RBM6: variants seen among roughly 807,000 people sequenced by gnomAD.
RBM6 encodes the protein RNA-binding protein 6.
In RBM6, 23 loss-of-function variants were observed where a neutral mutation model predicts 140.4. The ratio of observed to expected loss-of-function variants is 0.16; its 90% CI spans 0.12 to 0.23. The LOEUF (loss-of-function observed/expected upper bound fraction) is 0.23. Ranked by LOEUF, RBM6 falls within the 10% of genes least tolerant of loss-of-function variation. RBM6 has a pLI of 1.00. For synonymous variants in RBM6, 439 were observed against 475.6 expected, an observed-to-expected ratio of 0.92 and a Z score of 1.00; for missense variants, 1,139 against 1,386.7, an observed-to-expected ratio of 0.82 and a Z score of 2.84.
chr3:50,035,478 C>T (rs927555298), intron 6 of RBM6, among the ~76,000 whole-genome samples: 2 of 151,918 alleles, frequency 1.3e-5, no homozygotes, highest in Non-Finnish European at 2.9e-5. Context: ...GTCAGAAGAT[C>T]GAGACCATCC....
intron 15 of RBM6, among the ~76,000 whole-genome samples, chr3:50,064,231 T>G (rs1354378332): frequency 6.6e-6 from 1 of 151,870 alleles, no homozygotes; most frequent in African/African-American, 2.4e-5. Context: ...GCGCCCAGCC[T>G]TTTTTTCCCC....
intron 18 of RBM6, among the ~76,000 whole-genome samples, chr3:50,069,413 G>A (rs1271961507): frequency 6.6e-6 from 1 of 151,664 alleles, no homozygotes; most frequent in Admixed American, 6.6e-5. Flanking sequence ...TTGAGAGGCT[G>A]AGGGAGGATC....
intron 19 of RBM6, among the ~76,000 whole-genome samples, chr3:50,071,359 C>A (rs3774734): frequency 0.65 from 98,205 of 152,096 alleles, 32,344 homozygotes; most frequent in East Asian, 0.88. Context: ...AGGCAGTGGA[C>A]GGTCATGGAA....
intron 6 of RBM6, among the ~76,000 whole-genome samples, chr3:50,040,014 T>C (rs925827330): frequency 6.6e-6 from 1 of 152,174 alleles, no homozygotes; most frequent in African/African-American, 2.4e-5. Context: ...CCTCCAAGAC[T>C]ACGGATCCCT....
At chr3:50,057,076 G>A (rs1486680087) in intron 8 of RBM6, among the ~76,000 whole-genome samples, 1 of 152,152 alleles carries the variant, frequency 6.6e-6, no homozygotes, top group Non-Finnish European at 1.5e-5. Context: ...CAGATGTGTT[G>A]TTATCATTGA....
intron 5 of RBM6, among the ~76,000 whole-genome samples, chr3:49,977,205 A>G (rs2085101318): frequency 6.6e-6 from 1 of 151,976 alleles, no homozygotes; most frequent in Non-Finnish European, 1.5e-5. Context: ...CACCTACCCT[A>G]TTTTGCTGTA....
chr3:50,032,463 A>G (rs1206973508), intron 6 of RBM6, among the ~76,000 whole-genome samples: 1 of 147,094 alleles, frequency 6.8e-6, no homozygotes, highest in African/African-American at 2.5e-5. Context: ...CAGCCTGGCA[A>G]CAGGGCGAGA....
chr3:50,004,886 G>A, intron 6 of RBM6, among the ~76,000 whole-genome samples: 2 of 152,194 alleles, frequency 1.3e-5, no homozygotes, highest in Admixed American at 1.3e-4. Flanking sequence ...ACCTGGACCT[G>A]CCAAATTGCT....
At chr3:49,985,199 A>G (rs2085503003) in intron 5 of RBM6, among the ~76,000 whole-genome samples, 1 of 152,236 alleles carries the variant, frequency 6.6e-6, no homozygotes, top group Admixed American at 6.5e-5. Flanking sequence ...AGAAAAGGGC[A>G]TTACTCAGCT....
intron 6 of RBM6, among the ~76,000 whole-genome samples, chr3:50,030,284 C>CT (rs1232138064): frequency 6.1e-5 from 2 of 32,744 alleles, no homozygotes; most frequent in African/African-American, 2.1e-4. Context: ...CTCTTTTTGT[C>CT]TTAAAAAAAA....
chr3:49,996,417 A>G (rs1162334030), intron 5 of RBM6, among the ~76,000 whole-genome samples: 2 of 152,178 alleles, frequency 1.3e-5, no homozygotes, highest in Non-Finnish European at 2.9e-5. Flanking sequence ...GTTAGATGCA[A>G]TTTAATTCCA....
At chr3:50,068,616 T>A (rs1559654245) in intron 17 of RBM6, 74 bp from the exon 18 acceptor site, 1 of 1,380,558 alleles carries the variant, frequency 7.2e-7, no homozygotes, top group East Asian at 2.3e-5. Context: ...AAGCAACTAT[T>A]GGGAAAGGCC....
intron 6 of RBM6, among the ~76,000 whole-genome samples, chr3:50,041,634 C>T (rs957423224): frequency 2.0e-5 from 3 of 152,144 alleles, no homozygotes; most frequent in Admixed American, 1.3e-4. Flanking sequence ...TCTGCAGGTC[C>T]GTTTGACATG....
intron 5 of RBM6, among the ~76,000 whole-genome samples, chr3:49,990,139 T>C (rs2085754240): frequency 1.3e-5 from 2 of 152,212 alleles, no homozygotes; most frequent in South Asian, 4.1e-4. Context: ...AATACAGTCA[T>C]GCATTGCATA....
At chr3:50,012,014 G>C (rs923621457) in intron 6 of RBM6, among the ~76,000 whole-genome samples, 5 of 151,628 alleles carry the variant, frequency 3.3e-5, no homozygotes, top group African/African-American at 1.2e-4. Flanking sequence ...ATCGTGCCCA[G>C]CTAATTTTTT....
intron 6 of RBM6, among the ~76,000 whole-genome samples, chr3:50,026,503 C>T (rs577419800): frequency 6.6e-6 from 1 of 151,824 alleles, no homozygotes; most frequent in African/African-American, 2.4e-5. Flanking sequence ...CCTCAGCCTC[C>T]CAAATAGCTG....
chr3:50,047,887 G>C (rs1232153329), intron 6 of RBM6, among the ~76,000 whole-genome samples: 1 of 152,182 alleles, frequency 6.6e-6, no homozygotes, highest in Admixed American at 6.5e-5. Context: ...TTTACTTCTT[G>C]ATAGTGTGCT....
chr3:49,966,548 A>G (rs1283679862), intron 2 of RBM6, among the ~76,000 whole-genome samples: 2 of 152,232 alleles, frequency 1.3e-5, no homozygotes, highest in Admixed American at 6.5e-5. Flanking sequence ...TTGAGAATGT[A>G]AATTTAATAC....
intron 6 of RBM6, among the ~76,000 whole-genome samples, chr3:50,039,039 A>G (rs541085615): frequency 1.1e-4 from 16 of 152,228 alleles, no homozygotes; most frequent in African/African-American, 3.1e-4. Context: ...GTTTCTGTAC[A>G]TATTCTACTT....
Sources: gnomAD v4.1 joint callset for allele counts (sites outside exome capture counted in the v4.1 genomes callset) on GRCh38, gnomAD v4.1.1 for gene constraint, MANE v1.5 for transcripts, NCBI Gene and HGNC (gene_info 2026-07-23, HGNC 2026-07-21) for gene names.